BCAS3: variants seen among roughly 807,000 people sequenced by gnomAD.
The protein encoded by BCAS3 is BCAS3 microtubule associated cell migration factor.
BCAS3 carries 53 observed loss-of-function variants against 116.1 expected under a neutral mutation model. The observed-to-expected ratio is 0.46, with a 90% CI of 0.37 to 0.57. The LOEUF (loss-of-function observed/expected upper bound fraction) is 0.57. BCAS3 is among the 20% of genes least tolerant of loss of function. The probability of loss-of-function intolerance (pLI) is 0.00; values close to 1 mark genes in which losing one functional copy is unlikely to be tolerated. For synonymous variants in BCAS3, 391 were observed against 408.2 expected, an observed-to-expected ratio of 0.96 and a Z score of 0.51; for missense variants, 917 against 1,165.4, an observed-to-expected ratio of 0.79 and a Z score of 3.10.
At chr17:61,143,068 T>G (rs979790468) in intron 22 of BCAS3, among the ~76,000 whole-genome samples, 3 of 152,208 alleles carry the variant, frequency 2.0e-5, no homozygotes, top group African/African-American at 7.2e-5. Context: ...GAAGGAGAAG[T>G]TAACTATCAA....
In BCAS3 at chr17:61,379,783, G is replaced by A. The variant is rs1304920163; in HGVS notation, c.2593+11289G>A. ...GTTCCACCCCTCTGCACCCTTCATT[G>A]AGTTTTGGGAGAAGCGCCATCCAGT... On this transcript the variant is annotated intron_variant, in intron 23 of 23. Transcript: ENST00000407086. This position sits in a 1 kb window ranked among gnomAD's most constrained non-coding sequence, Gnocchi z 5.5. 2 of 152,668 alleles carry A rather than the reference G, an allele frequency of 1.3e-5. No homozygotes were observed. The highest frequency in any genetic ancestry group is 4.8e-5 in the African/African-American group (2 of 41,452). 9.5% of individuals were successfully genotyped at this position (152,668 alleles called of 1,614,324 possible).
At chr17:60,861,400 A>G (rs1056649642) in intron 7 of BCAS3, among the ~76,000 whole-genome samples, 1 of 152,196 alleles carries the variant, frequency 6.6e-6, no homozygotes, top group Non-Finnish European at 1.5e-5. Flanking sequence ...GACAGAGACT[A>G]AGAGTTTTCT....
chr17:60,679,353 GA>G, intron 1 of BCAS3, 99 bp from the exon 2 acceptor site: 1 of 765,444 alleles, frequency 1.3e-6, no homozygotes, highest in Non-Finnish European at 2.0e-6. Context: ...AGGCATTTTT[GA>G]CAAGGGATCT....
intron 3 of BCAS3, among the ~76,000 whole-genome samples, chr17:60,686,165 G>A (rs558958543): frequency 6.6e-6 from 1 of 152,218 alleles, no homozygotes; most frequent in South Asian, 2.1e-4. Context: ...ACCGCACCCG[G>A]CCTATGTTAG....
chr17:60,739,418 G>A (rs2041304902), intron 5 of BCAS3, among the ~76,000 whole-genome samples: 1 of 152,056 alleles, frequency 6.6e-6, no homozygotes, highest in Non-Finnish European at 1.5e-5. Context: ...TCAGGAGATC[G>A]AGACCAGCCT....
chr17:61,328,025 T>C, intron 22 of BCAS3, among the ~76,000 whole-genome samples: 1 of 152,114 alleles, frequency 6.6e-6, no homozygotes, highest in East Asian at 1.9e-4. Context: ...AAAATATAGG[T>C]AAAATTATTA....
At position 60,932,512 on chromosome 17, in the gene BCAS3, C is replaced by G. The variant is rs537625085; in HGVS notation, c.1087+8012C>G. ...ATCCCAGCACTTTGGGAGGCCGAGGCGGGTGGATCACAAGGTCAGGAGATC... is the reference window on the plus strand; with the variant it reads ...ATCCCAGCACTTTGGGAGGCCGAGGGGGGTGGATCACAAGGTCAGGAGATC... On this transcript the variant is annotated intron_variant, in intron 13 of 23. Transcript: ENST00000407086. Among the ~76,000 whole-genome samples, 121 of 151,326 alleles carry G rather than the reference C, an allele frequency of 8.0e-4. 1 individual carries two copies. The highest frequency in any genetic ancestry group is 2.2e-4 in the Non-Finnish European group (15 of 67,770).
At chr17:61,066,040 C>T (rs753032046) in intron 19 of BCAS3, among the ~76,000 whole-genome samples, 2 of 152,138 alleles carry the variant, frequency 1.3e-5, no homozygotes, top group African/African-American at 2.4e-5. Context: ...ACATATAAAA[C>T]TAGGTACCAT....
chr17:60,792,301 G>A (rs1344636556), intron 6 of BCAS3, among the ~76,000 whole-genome samples: 2 of 152,314 alleles, frequency 1.3e-5, no homozygotes, highest in African/African-American at 2.4e-5. Context: ...CAGGAGCTTC[G>A]TGCATGGGCC....
rs962212313 is a variant in BCAS3, at chr17:61,098,378, T to C, written c.2425+13814T>C. Among the ~76,000 whole-genome samples, 3 of 152,146 alleles carry C rather than the reference T, an allele frequency of 2.0e-5. No individual in the cohort carries two copies. Among genetic ancestry groups the C allele is most frequent in the Non-Finnish European group, 2.9e-5 (2 of 68,024 alleles). ...AGAGTGATATTATAGGATTAGAACA[T>C]TGTATTTTTGGTTTTGGGTGCTGAA... is the stretch of plus-strand genomic sequence containing the variant. On this transcript the variant is annotated intron_variant, in intron 22 of 23. Coordinates refer to ENST00000407086, the MANE Select transcript of BCAS3 (RefSeq NM_017679.5). This position sits in a 1 kb window ranked among gnomAD's most constrained non-coding sequence, Gnocchi z 4.2.
At chr17:61,305,168 A>G (rs768471630) in intron 22 of BCAS3, among the ~76,000 whole-genome samples, 3 of 152,158 alleles carry the variant, frequency 2.0e-5, no homozygotes, top group Admixed American at 2.0e-4. Flanking sequence ...TGAAGATAGA[A>G]TACTGGCCTT....
intron 1 of BCAS3, among the ~76,000 whole-genome samples, chr17:60,678,992 G>A (rs2032514149): frequency 6.6e-6 from 1 of 152,204 alleles, no homozygotes; most frequent in South Asian, 2.1e-4. Flanking sequence ...GGGAGGCTAA[G>A]GCGGATGGAT....
chr17:60,862,281 AAAAC>A (rs1282568278), intron 7 of BCAS3, among the ~76,000 whole-genome samples: 2 of 152,156 alleles, frequency 1.3e-5, no homozygotes, highest in African/African-American at 4.8e-5. Flanking sequence ...ACTCTGTCTC[AAAAC>A]AAACAAACAA....
chr17:61,298,767 T>C (rs2053163986), intron 22 of BCAS3, among the ~76,000 whole-genome samples: 1 of 152,050 alleles, frequency 6.6e-6, no homozygotes, highest in Non-Finnish European at 1.5e-5. Context: ...TGGGCTGCCT[T>C]CCAGTTCAAA....
In BCAS3 at chr17:61,124,669, G is replaced by C. The variant is rs538008168; in HGVS notation, c.2425+40105G>C. 3.9e-5 allele frequency among the ~76,000 whole-genome samples: 6 copies of C among 152,170 alleles called. No individual in the cohort carries two copies. The highest frequency in any genetic ancestry group is 8.8e-5 in the Non-Finnish European group (6 of 68,028). On this transcript the variant is annotated intron_variant, in intron 22 of 23. Coordinates refer to ENST00000407086, the MANE Select transcript of BCAS3 (RefSeq NM_017679.5). The surrounding 1 kb of genome is among the most constrained non-coding windows in gnomAD (Gnocchi z 4.6). ...TGTTTTTCAGTTTTGAAATATGAGA[G>C]ATTTGTCAGCCCTTTGAAAAAATGG...
At chr17:60,788,796 T>C (rs2046506973) in intron 6 of BCAS3, among the ~76,000 whole-genome samples, 1 of 152,192 alleles carries the variant, frequency 6.6e-6, no homozygotes, top group Non-Finnish European at 1.5e-5. Context: ...ATAATGATTA[T>C]TTATAGAAAA....
chr17:60,796,886 T>A lies in BCAS3; in HGVS notation c.404-11118T>A, dbSNP rs572515262. ...TCCTCTTAGCACCGCCTTTGCTATA[T>A]CCCAGAGGTTTTGTTTTTGTTTTTA... On this transcript the variant is annotated intron_variant, in intron 6 of 23. Coordinates refer to ENST00000407086, the MANE Select transcript of BCAS3 (RefSeq NM_017679.5). Among the ~76,000 whole-genome samples, 7 of 152,266 alleles carry A rather than the reference T, an allele frequency of 4.6e-5. No homozygotes were observed. The South Asian group carries it at 1.4e-3, about 32-fold the overall frequency.
Position 61,222,449 on chromosome 17 carries a change from C to G in BCAS3, c.2425+137885C>G, listed in dbSNP as rs1223696542. Among the ~76,000 whole-genome samples, 1 of 152,162 alleles carries G rather than the reference C, an allele frequency of 6.6e-6. No homozygotes were observed. Among genetic ancestry groups the G allele is most frequent in the Non-Finnish European group, 1.5e-5 (1 of 68,026 alleles). ...CCAAGGTAGCTTGTGGTCTAAAATT[C>G]TGTAAGTCTACTTAAAAAGAAAAGG... On this transcript the variant is annotated intron_variant, in intron 22 of 23. Transcript: ENST00000407086. The surrounding 1 kb of genome is among the most constrained non-coding windows in gnomAD (Gnocchi z 6.1).
rs1248741661 is a variant in BCAS3, at chr17:61,316,170, G to A, written c.2426-52157G>A. Among the ~76,000 whole-genome samples the A allele has an allele frequency of 6.6e-6, 1 of 152,040 alleles. No homozygotes were observed. The highest frequency in any genetic ancestry group is 2.4e-5 in the African/African-American group (1 of 41,382). On this transcript the variant is annotated intron_variant, in intron 22 of 23. Coordinates refer to ENST00000407086, the MANE Select transcript of BCAS3 (RefSeq NM_017679.5). The surrounding 1 kb of genome is among the most constrained non-coding windows in gnomAD (Gnocchi z 5.8). ...AAAATTACAAAATTAGCCAGGCATG[G>A]TGGTGCATGCCTGTGATCCCAGCTA...
Sources: gnomAD v4.1 joint callset for allele counts (sites outside exome capture counted in the v4.1 genomes callset) on GRCh38, gnomAD v4.1.1 for gene constraint, Gnocchi (gnomAD v3.1) non-coding constraint, MANE v1.5 for transcripts, NCBI Gene and HGNC (gene_info 2026-07-23, HGNC 2026-07-21) for gene names.